The following CLSTN2 variants were observed in gnomAD, a reference collection of about 807,000 sequenced individuals.
The protein encoded by CLSTN2 is calsyntenin-2.
A neutral mutation model predicts 101.2 loss-of-function variants in CLSTN2; 48 were observed. The ratio of observed to expected loss-of-function variants is 0.47; its 90% confidence interval spans 0.38 to 0.60. The LOEUF (loss-of-function observed/expected upper bound fraction) is 0.60, where lower values mean the gene tolerates loss of function less well. Ranked by LOEUF, CLSTN2 falls within the 20% of genes least tolerant of loss-of-function variation. The probability of loss-of-function intolerance (pLI) is 0.00; values close to 1 mark genes in which losing one functional copy is unlikely to be tolerated. For synonymous variants in CLSTN2, 481 were observed against 463.6 expected (o/e 1.04, Z -0.48); for missense variants, 1,160 against 1,238.2 (o/e 0.94, Z 0.95).
At chr3:140,136,272 T>G (rs1358243071) in intron 1 of CLSTN2, among the ~76,000 whole-genome samples, 1 of 152,174 alleles carries the variant, frequency 6.6e-6, no homozygotes. Context: ...GGTTTTGTAG[T>G]TAGAGGATAG....
chr3:140,546,377 G>A, intron 9 of CLSTN2, 138 bp from the exon 10 acceptor site: 1 of 792,338 alleles, frequency 1.3e-6, no homozygotes, highest in Non-Finnish European at 2.0e-6. Flanking sequence ...TGGCTACTGT[G>A]TTCATCACTC....
chr3:140,168,221 A>G (rs573052822), intron 1 of CLSTN2, among the ~76,000 whole-genome samples: 125 of 152,298 alleles, frequency 8.2e-4, no homozygotes, highest in Middle Eastern at 3.4e-3. Context: ...TAGCCATTCA[A>G]CTGGTGTTGT....
chr3:140,562,294 GCT>G lies in CLSTN2; in HGVS notation c.2199_2200del (p.Tyr734LeufsTer12). 6.2e-7 allele frequency: 1 copy of G among 1,613,138 alleles called. No homozygotes were observed. Among genetic ancestry groups the G allele is most frequent in the Non-Finnish European group, 8.5e-7 (1 of 1,179,768 alleles). ...CTGGATGCCACTAATTCTACTGCAG[GCT>G]ACTCCATCTACGGTAAGGCCACACT... On this transcript the variant is annotated frameshift_variant, in exon 13 of 17. Coordinates refer to ENST00000458420, the MANE Select transcript of CLSTN2 (RefSeq NM_022131.3). LOFTEE classifies it high-confidence loss of function.
Position 140,419,792 on chromosome 3 carries a change from T to TAC in CLSTN2, c.638-1332_638-1331dup. 2.9e-5 allele frequency among the ~76,000 whole-genome samples: 2 copies of TAC among 69,972 alleles called. 1 individual carries two copies. Among genetic ancestry groups the TAC allele is most frequent in the African/African-American group, 3.4e-4 (2 of 5,856 alleles). 45.9% of individuals were successfully genotyped at this position (69,972 alleles called of 152,430 possible). On this transcript the variant is annotated intron_variant, in intron 4 of 16. Coordinates refer to ENST00000458420, the MANE Select transcript of CLSTN2 (RefSeq NM_022131.3). ...ACGTGTATACACGTATATACACGTA[T>TAC]ACGTGTATATACGTGTATATACGTA...
intron 1 of CLSTN2, among the ~76,000 whole-genome samples, chr3:140,115,664 T>G (rs1576432250): frequency 6.6e-6 from 1 of 152,340 alleles, no homozygotes; most frequent in East Asian, 1.9e-4. Context: ...GTGTTTGACA[T>G]TCTTTTCATG....
chr3:139,986,283 A>G (rs1421259364), intron 1 of CLSTN2, among the ~76,000 whole-genome samples: 1 of 152,200 alleles, frequency 6.6e-6, no homozygotes, highest in Non-Finnish European at 1.5e-5. Context: ...AGTCATTACC[A>G]TAATTATTAA....
At chr3:140,099,164 G>A (rs773359650) in intron 1 of CLSTN2, among the ~76,000 whole-genome samples, 2 of 152,186 alleles carry the variant, frequency 1.3e-5, no homozygotes, top group African/African-American at 4.8e-5. Flanking sequence ...CTTTTAAGGA[G>A]CTCTCCTAGA....
In CLSTN2 at chr3:140,573,284, G is replaced by C. The variant is rs1350036826; in HGVS notation, c.*7031G>C. The C allele has an allele frequency of 2.0e-5, 3 of 152,190 alleles. No homozygotes were observed. Among genetic ancestry groups the C allele is most frequent in the African/African-American group, 7.2e-5 (3 of 41,428 alleles). The allele number at this position is 152,190 out of a possible 1,614,324, so 9.4% of individuals were successfully genotyped here. A position where few individuals can be genotyped will look rare whatever the true frequency, so the allele number is the denominator to read the frequency against. On this transcript the variant is annotated 3_prime_UTR_variant, in exon 17 of 17. Transcript: ENST00000458420. ...GCTCTGTTTGTTTGTAATGAGACTG[G>C]GGCATGCAGCATCACAATTCAAACA... is the stretch of plus-strand genomic sequence containing the variant.
chr3:139,955,814 T>C (rs1935384685), intron 1 of CLSTN2, among the ~76,000 whole-genome samples: 1 of 152,168 alleles, frequency 6.6e-6, no homozygotes, highest in Admixed American at 6.5e-5. Flanking sequence ...GGACATTCGT[T>C]TCTTGGGGAA....
In CLSTN2 at chr3:140,404,819, C is replaced by T. The variant is rs143019314; in HGVS notation, c.637+53C>T. ...GGTCAGGAAAACAAATCCATCGCCTCCACTCTGAAGACCCAACATGGGCTC... is the reference window on the plus strand; with the variant it reads ...GGTCAGGAAAACAAATCCATCGCCTTCACTCTGAAGACCCAACATGGGCTC... On this transcript the variant is annotated intron_variant, in intron 4 of 16. Coordinates refer to ENST00000458420, the MANE Select transcript of CLSTN2 (RefSeq NM_022131.3). 5.9e-3 allele frequency: 8,689 copies of T among 1,477,938 alleles called. 50 individuals carry two copies. The highest frequency in any genetic ancestry group is 0.017 in the Middle Eastern group (98 of 5,676). 91.6% of individuals were successfully genotyped at this position (1,477,938 alleles called of 1,614,324 possible).
At chr3:139,939,451 G>A (rs1246252825) in intron 1 of CLSTN2, among the ~76,000 whole-genome samples, 3 of 152,182 alleles carry the variant, frequency 2.0e-5, no homozygotes, top group Admixed American at 6.5e-5. Context: ...TCTTCCCAGT[G>A]GTTTTGAAAG....
At chr3:140,563,823 G>A (rs765720180) in intron 15 of CLSTN2, 138 bp from the exon 16 acceptor site, 16 of 773,132 alleles carry the variant, frequency 2.1e-5, no homozygotes, top group Non-Finnish European at 2.9e-5. Flanking sequence ...GACAGGGTAA[G>A]GTACTGCTCT....
intron 7 of CLSTN2, among the ~76,000 whole-genome samples, chr3:140,461,685 C>T (rs1198256446): frequency 1.3e-5 from 2 of 150,990 alleles, no homozygotes; most frequent in Non-Finnish European, 3.0e-5. Context: ...ATGCTAGAGC[C>T]CCACCCAGCT....
intron 2 of CLSTN2, among the ~76,000 whole-genome samples, chr3:140,248,471 G>A (rs999128725): frequency 6.6e-6 from 1 of 152,216 alleles, no homozygotes; most frequent in African/African-American, 2.4e-5. Context: ...GGCTCTAGCA[G>A]GGATGTGGGG....
intron 4 of CLSTN2, among the ~76,000 whole-genome samples, chr3:140,412,674 G>C (rs913924781): frequency 6.6e-6 from 1 of 152,066 alleles, no homozygotes; most frequent in East Asian, 2.0e-4. Flanking sequence ...TTACATTTAA[G>C]ATTTAAATCA....
intron 1 of CLSTN2, among the ~76,000 whole-genome samples, chr3:140,005,015 A>G (rs2006925230): frequency 4.6e-5 from 7 of 152,162 alleles, no homozygotes; most frequent in Admixed American, 4.6e-4. Context: ...TCCTATGGCC[A>G]TTGTAGAAGG....
rs772723832 is a variant in CLSTN2, at chr3:140,404,729, C to T, written c.600C>T (p.Ile200=). 11 of 1,614,078 alleles carry T rather than the reference C, an allele frequency of 6.8e-6. No homozygotes were observed. The highest frequency in any genetic ancestry group is 6.7e-5 in the Admixed American group (4 of 60,004). ...ACAGCCAGATCTGCAACTATGAAATCGTCACCACAGATGTGCCTTTTGCCA... is the reference window on the plus strand; with the variant it reads ...ACAGCCAGATCTGCAACTATGAAATTGTCACCACAGATGTGCCTTTTGCCA... ...PQYSQICNYE[I]VTTDVPFAID... is the part of the protein sequence containing the mutation. The change falls in exon 4 of 17, where the codon ATC becomes ATT. Residue 200 remains isoleucine, a synonymous_variant. Coordinates refer to ENST00000458420, the MANE Select transcript of CLSTN2 (RefSeq NM_022131.3).
At chr3:140,459,171 A>C (rs373906123) in intron 6 of CLSTN2, among the ~76,000 whole-genome samples, 1 of 152,166 alleles carries the variant, frequency 6.6e-6, no homozygotes, top group Admixed American at 6.5e-5. Context: ...GTGTGAGTGA[A>C]TCCATCCATC....
At chr3:140,236,507 C>T (rs931861837) in intron 2 of CLSTN2, among the ~76,000 whole-genome samples, 7 of 152,132 alleles carry the variant, frequency 4.6e-5, no homozygotes, top group Admixed American at 4.6e-4. Context: ...CTTCTTGGCT[C>T]ATGGTTTTCA....
Sources: gnomAD v4.1 joint callset for allele counts (sites outside exome capture counted in the v4.1 genomes callset) on GRCh38, gnomAD v4.1.1 for gene constraint, MANE v1.5 for transcripts, NCBI Gene and HGNC (gene_info 2026-07-23, HGNC 2026-07-21) for gene names.